The following GNAS-AS1 variants were observed in gnomAD, a reference collection of about 807,000 sequenced individuals.
GNAS-AS1 encodes the protein GNAS antisense RNA 1.
chr20:58,824,819 C>T (rs2085509274), intron 4 of GNAS-AS1, among the ~76,000 whole-genome samples: 1 of 152,210 alleles, frequency 6.6e-6, no homozygotes, highest in African/African-American at 2.4e-5. Flanking sequence ...GAGCATTGTA[C>T]TTTCTGGCAT....
At chr20:58,848,316 C>A (rs2086016885) in intron 2 of GNAS-AS1, among the ~76,000 whole-genome samples, 2 of 152,230 alleles carry the variant, frequency 1.3e-5, no homozygotes, top group Admixed American at 6.5e-5. Flanking sequence ...CACAGCCCCT[C>A]ATGACAGGGG....
rs1396282567 is a variant in GNAS-AS1 at position 58,841,322 on chromosome 20, G to C, written n.819+615C>G. The C allele has an allele frequency of 1.7e-5, 18 of 1,059,496 alleles. No individual in the cohort carries two copies. The highest frequency in any genetic ancestry group is 2.1e-5 in the Non-Finnish European group (18 of 875,732). 65.6% of individuals were successfully genotyped at this position (1,059,496 alleles called of 1,614,324 possible). A position where few individuals can be genotyped will look rare whatever the true frequency, so the allele number is the denominator to read the frequency against. ...CAAAATGTGGTTCGGAGGTGCGCGC[G>C]CCAACTTTCACGATGTGAGAGCAGC... On this transcript the variant is annotated intron_variant and non_coding_transcript_variant, in intron 4 of 4. Transcript: ENST00000424094. The surrounding 1 kb of genome is among the most constrained non-coding windows in gnomAD (Gnocchi z 5.0).
At chr20:58,843,214 C>T (rs1222794646) in intron 2 of GNAS-AS1, 1 of 147,212 alleles carries the variant, frequency 6.8e-6, no homozygotes, top group Non-Finnish European at 1.5e-5. Context: ...CAATTCTCCT[C>T]CCCCGCTCAA....
At chr20:58,848,791 C>G in intron 2 of GNAS-AS1, 2 of 398,030 alleles carry the variant, frequency 5.0e-6, no homozygotes, top group Non-Finnish European at 8.9e-6. Flanking sequence ...TTGCAGGTGC[C>G]ACAGGTGGGT....
chr20:58,850,644 A>C, exon 1 of GNAS-AS1: 1 of 399,254 alleles, frequency 2.5e-6, no homozygotes, highest in Non-Finnish European at 4.4e-6. Context: ...CCAGCCCTGG[A>C]AATCTTCTTG....
chr20:58,840,896 C>A lies in GNAS-AS1; in HGVS notation n.819+1041G>T. The A allele has an allele frequency of 6.2e-7, 1 of 1,612,176 alleles. No homozygotes were observed. The highest frequency in any genetic ancestry group is 1.1e-5 in the South Asian group (1 of 90,920). On this transcript the variant is annotated intron_variant and non_coding_transcript_variant, in intron 4 of 4. Transcript: ENST00000424094. This position sits in a 1 kb window ranked among gnomAD's most constrained non-coding sequence, Gnocchi z 6.0. ...GTTTTCATGGATTCAGGTTAGTTGC[C>A]CACCGCTAAACTGGGGAGCCTGAGG... is the stretch of plus-strand genomic sequence containing the variant.
intron 4 of GNAS-AS1, among the ~76,000 whole-genome samples, chr20:58,833,242 C>T (rs1176179206): frequency 6.6e-6 from 1 of 152,258 alleles, no homozygotes; most frequent in Non-Finnish European, 1.5e-5. Context: ...TCTCTTGCTC[C>T]TCTTCCCTCC....
intron 4 of GNAS-AS1, among the ~76,000 whole-genome samples, chr20:58,821,890 C>T (rs957414420): frequency 6.6e-6 from 1 of 152,208 alleles, no homozygotes; most frequent in Non-Finnish European, 1.5e-5. Flanking sequence ...CAGAAACTCC[C>T]CTCCTCCCTC....
At chr20:58,820,749 G>A (rs764511289) in intron 4 of GNAS-AS1, among the ~76,000 whole-genome samples, 7 of 152,248 alleles carry the variant, frequency 4.6e-5, no homozygotes, top group African/African-American at 7.2e-5. Flanking sequence ...GAGAGAGAGC[G>A]CTTGCGCAGG....
At position 58,835,987 on chromosome 20, in the gene GNAS-AS1, T is replaced by C. The variant is rs556819151; in HGVS notation, n.819+5950A>G. Among the ~76,000 whole-genome samples, 6 of 152,168 alleles carry C rather than the reference T, an allele frequency of 3.9e-5. No homozygotes were observed. In the South Asian group the frequency reaches 1.2e-3, roughly 32 times the overall value. On this transcript the variant is annotated intron_variant and non_coding_transcript_variant, in intron 4 of 4. Transcript: ENST00000424094. ...CCATTGCACACATCTGTTTGCCCTG[T>C]CTTAAAACTGCCACCCCAACACTCC...
At chr20:58,839,990 G>C (rs544068079) in intron 4 of GNAS-AS1, 14 of 1,146,764 alleles carry the variant, frequency 1.2e-5, no homozygotes, top group Non-Finnish European at 1.8e-5. Context: ...TGGGACCTCC[G>C]GGCCAGCTTC....
At chr20:58,830,316 CACCATCATCATCACCACCACCAT>C (rs2085549902) in intron 4 of GNAS-AS1, among the ~76,000 whole-genome samples, 1 of 139,788 alleles carries the variant, frequency 7.2e-6, no homozygotes, top group Non-Finnish European at 1.6e-5. Flanking sequence ...ACCACCACCA[CACCATCATCATCACCACCACCAT>C]CACCACCACA....
Position 58,841,438 on chromosome 20 carries a change from C to A in GNAS-AS1, n.819+499G>T. Reference sequence around the variant, plus strand: ...GAGACTGACCACCCGGGAGGGAAGTCACGCGCGCGCGGCGCCTAAGCAGCT... The same window carrying A: ...GAGACTGACCACCCGGGAGGGAAGTAACGCGCGCGCGGCGCCTAAGCAGCT... On this transcript the variant is annotated intron_variant and non_coding_transcript_variant, in intron 4 of 4. Coordinates refer to ENST00000424094, the Ensembl canonical transcript of GNAS-AS1. The surrounding 1 kb of genome is among the most constrained non-coding windows in gnomAD (Gnocchi z 5.0). 1 of 991,922 alleles carries A rather than the reference C, an allele frequency of 1.0e-6. No homozygotes were observed. Among genetic ancestry groups the A allele is most frequent in the Non-Finnish European group, 1.2e-6 (1 of 834,152 alleles). The allele number at this position is 991,922 out of a possible 1,614,324, so 61.4% of individuals were successfully genotyped here. A position where few individuals can be genotyped will look rare whatever the true frequency, so the allele number is the denominator to read the frequency against.
Position 58,841,857 on chromosome 20 carries a change from G to C in GNAS-AS1, n.819+80C>G. Reference sequence around the variant, plus strand: ...GCGCAGGACCTCTGGAGGCCCTCGAGATCGTCGCAAGTGGAAAGGTAAAGC... The same window carrying C: ...GCGCAGGACCTCTGGAGGCCCTCGACATCGTCGCAAGTGGAAAGGTAAAGC... On this transcript the variant is annotated intron_variant and non_coding_transcript_variant, in intron 4 of 4. Transcript: ENST00000424094. This position sits in a 1 kb window ranked among gnomAD's most constrained non-coding sequence, Gnocchi z 5.0. The C allele has an allele frequency of 8.1e-7, 1 of 1,231,098 alleles. No individual in the cohort carries two copies. 76.3% of individuals were successfully genotyped at this position (1,231,098 alleles called of 1,614,324 possible).
chr20:58,830,611 A>ACCACACCACCATCACCACCACCG (rs2085561705), intron 4 of GNAS-AS1, among the ~76,000 whole-genome samples: 1 of 9,118 alleles, frequency 1.1e-4, no homozygotes, highest in East Asian at 2.9e-3. Context: ...CACCATCACC[A>ACCACACCACCATCACCACCACCG]CCACACCACC....
Position 58,850,020 on chromosome 20 carries a change from C to T in GNAS-AS1, n.374+510G>A, listed in dbSNP as rs530912006. Among the ~76,000 whole-genome samples, 3 of 152,272 alleles carry T rather than the reference C, an allele frequency of 2.0e-5. No homozygotes were observed. In the South Asian group the frequency reaches 6.2e-4, roughly 32 times the overall value. The stretch of plus-strand genomic sequence containing the variant: ...TCTAATTTCTCCTAACTTTTCTCCC[C>T]CTGCTCCCCAAGAGCCAGCCAAGGT... On this transcript the variant is annotated intron_variant and non_coding_transcript_variant, in intron 1 of 4. Transcript: ENST00000424094.
chr20:58,843,392 TGA>T (rs1213830256), intron 2 of GNAS-AS1: 3 of 152,314 alleles, frequency 2.0e-5, no homozygotes, highest in South Asian at 2.1e-4. Context: ...TCTCTCTGCC[TGA>T]GAGACTGGTA....
At chr20:58,822,120 T>C (rs2085491167) in intron 4 of GNAS-AS1, among the ~76,000 whole-genome samples, 2 of 152,222 alleles carry the variant, frequency 1.3e-5, no homozygotes, top group African/African-American at 4.8e-5. Flanking sequence ...GCAGCCATGA[T>C]GGCTCCCCAG....
intron 2 of GNAS-AS1, among the ~76,000 whole-genome samples, chr20:58,847,139 AG>A (rs1258431369): frequency 6.6e-6 from 1 of 152,246 alleles, no homozygotes; most frequent in Non-Finnish European, 1.5e-5. Context: ...CCTTTTGAGA[AG>A]GTTGCTGAGC....
Sources: allele counts gnomAD v4.1 joint callset (sites outside exome capture counted in the v4.1 genomes callset), GRCh38; gene constraint gnomAD v4.1.1; non-coding constraint Gnocchi (gnomAD v3.1); transcripts MANE v1.5; gene names NCBI Gene and HGNC (gene_info 2026-07-23, HGNC 2026-07-21).